Variants in SRGAP3 observed in about 807,000 individuals in gnomAD.
The protein encoded by SRGAP3 is SLIT-ROBO Rho GTPase activating protein 3, also known as SLIT-ROBO Rho GTPase-activating protein 3.
A neutral mutation model predicts 121.1 loss-of-function variants in SRGAP3; 39 were observed. That is an observed-to-expected ratio of 0.32 (90% confidence interval 0.25 to 0.42). SRGAP3 has a LOEUF of 0.42. SRGAP3 is among the 10% of genes least tolerant of loss of function. The pLI is 1.00. For synonymous variants in SRGAP3, 601 were observed against 570.0 expected, an observed-to-expected ratio of 1.05 and a Z score of -0.77; for missense variants, 1,213 against 1,470.6, an observed-to-expected ratio of 0.82 and a Z score of 2.86.
chr3:9,169,300 G>T (rs1302415528), intron 1 of SRGAP3, among the ~76,000 whole-genome samples: 4 of 152,192 alleles, frequency 2.6e-5, no homozygotes, highest in African/African-American at 9.7e-5. Flanking sequence ...CCCTGCCCTT[G>T]TGGAGTTGAC....
chr3:9,123,973 C>A (rs1301059225), intron 2 of SRGAP3, among the ~76,000 whole-genome samples: 3 of 151,826 alleles, frequency 2.0e-5, no homozygotes, highest in Non-Finnish European at 4.4e-5. Flanking sequence ...GGCCGGGGGA[C>A]CTGCCAAGTG....
chr3:9,347,252 A>G (rs933321719), intron 1 of SRGAP3, among the ~76,000 whole-genome samples: 4 of 152,182 alleles, frequency 2.6e-5, no homozygotes, highest in Non-Finnish European at 4.4e-5. Flanking sequence ...TGCAACCTCA[A>G]TCTTTCGGAT....
intron 1 of SRGAP3, among the ~76,000 whole-genome samples, chr3:9,197,053 CACG>C (rs1030886485): frequency 2.0e-5 from 3 of 152,226 alleles, no homozygotes; most frequent in Admixed American, 2.0e-4. Flanking sequence ...CTTTTTCACT[CACG>C]ACAAGAAAAG....
chr3:9,039,797 T>C (rs1005672680), intron 10 of SRGAP3, among the ~76,000 whole-genome samples: 9 of 152,246 alleles, frequency 5.9e-5, no homozygotes, highest in African/African-American at 1.7e-4. Context: ...TCTATCCATA[T>C]AGTACGGTTT....
intron 2 of SRGAP3, among the ~76,000 whole-genome samples, chr3:9,327,360 C>T (rs1231352167): frequency 6.7e-6 from 1 of 149,740 alleles, no homozygotes; most frequent in Non-Finnish European, 1.5e-5. Context: ...CCTTCCGTAA[C>T]TTGTTCAAAT....
chr3:9,011,901 G>T (rs1441018089), intron 17 of SRGAP3, among the ~76,000 whole-genome samples: 1 of 152,194 alleles, frequency 6.6e-6, no homozygotes, highest in East Asian at 1.9e-4. Flanking sequence ...TGTGGTTATT[G>T]TATATTGTTC....
In SRGAP3 at chr3:9,277,632, T is replaced by A. The variant is rs112102456; in HGVS notation, n.442+48378A>T. Among the ~76,000 whole-genome samples, 896 of 131,722 alleles carry A rather than the reference T, an allele frequency of 6.8e-3. 11 individuals carry two copies. The highest frequency in any genetic ancestry group is 0.023 in the African/African-American group (746 of 31,978). The allele number at this position is 131,722 out of a possible 152,430, so 86.4% of individuals were successfully genotyped here. A position where few individuals can be genotyped will look rare whatever the true frequency, so the allele number is the denominator to read the frequency against. ...CAAAAAAAAAAAAAAAAAAAAAAAT[T>A]AGCCAGGTGTGGTGGCACACACCTG... On this transcript the variant is annotated intron_variant and non_coding_transcript_variant, in intron 3 of 3. Coordinates refer to the SRGAP3 transcript ENST00000490889.
intron 21 of SRGAP3, among the ~76,000 whole-genome samples, chr3:8,988,087 G>T (rs995835390): frequency 1.3e-5 from 2 of 151,966 alleles, no homozygotes; most frequent in Non-Finnish European, 2.9e-5. Context: ...CAGCTGAGTT[G>T]TTTAGGCTGC....
intron 9 of SRGAP3, among the ~76,000 whole-genome samples, chr3:9,052,393 A>G (rs1371402346): frequency 6.6e-6 from 1 of 152,206 alleles, no homozygotes; most frequent in Admixed American, 6.6e-5. Context: ...TCTTGGGAGC[A>G]ATCAGGCAGA....
intron 13 of SRGAP3, among the ~76,000 whole-genome samples, chr3:9,025,738 C>A (rs1944166144): frequency 6.6e-6 from 1 of 152,048 alleles, no homozygotes; most frequent in South Asian, 2.1e-4. Context: ...TTCTACAAGA[C>A]CTTAACAAAG....
At chr3:9,059,232 G>C (rs1260354004) in intron 6 of SRGAP3, 1 of 152,236 alleles carries the variant, frequency 6.6e-6, no homozygotes, top group Non-Finnish European at 1.5e-5. Context: ...TCCTTGGCGA[G>C]GTAAGCTCCC....
chr3:9,119,573 A>G (rs1006118092), intron 2 of SRGAP3, among the ~76,000 whole-genome samples: 3 of 151,404 alleles, frequency 2.0e-5, no homozygotes, highest in African/African-American at 7.3e-5. Context: ...ACCCTTTGAC[A>G]CTCCTCCAAT....
At chr3:8,999,347 C>T (rs980024345) in intron 18 of SRGAP3, among the ~76,000 whole-genome samples, 6 of 152,196 alleles carry the variant, frequency 3.9e-5, no homozygotes, top group East Asian at 1.9e-4. Flanking sequence ...TGGGCTTTTC[C>T]GGAGATGAAA....
intron 1 of SRGAP3, among the ~76,000 whole-genome samples, chr3:9,221,361 T>C (rs1281303472): frequency 2.0e-5 from 3 of 152,160 alleles, no homozygotes; most frequent in Admixed American, 6.5e-5. Flanking sequence ...CACGACCCTG[T>C]TTCTACAAAA....
chr3:9,306,241 C>A (rs1240869133), intron 3 of SRGAP3, among the ~76,000 whole-genome samples: 1 of 152,146 alleles, frequency 6.6e-6, no homozygotes, highest in Non-Finnish European at 1.5e-5. Flanking sequence ...ATATCCTTTG[C>A]CCACTTTTTG....
chr3:9,045,181 A>C (rs1305522994), intron 10 of SRGAP3, among the ~76,000 whole-genome samples: 2 of 143,066 alleles, frequency 1.4e-5, no homozygotes, highest in Admixed American at 1.5e-4. Context: ...TTAAAAGAGA[A>C]AGTTTACTTT....
chr3:9,181,364 C>A (rs1364753696), intron 1 of SRGAP3, among the ~76,000 whole-genome samples: 1 of 152,192 alleles, frequency 6.6e-6, no homozygotes, highest in Non-Finnish European at 1.5e-5. Flanking sequence ...CAAATTTCCA[C>A]AAACTTAGCT....
At chr3:9,099,744 C>T (rs926810244) in intron 3 of SRGAP3, among the ~76,000 whole-genome samples, 1 of 152,226 alleles carries the variant, frequency 6.6e-6, no homozygotes, top group African/African-American at 2.4e-5. Flanking sequence ...CCACCTTAAA[C>T]CTACTGAATC....
At chr3:9,130,484 T>C (rs1575118553) in intron 1 of SRGAP3, among the ~76,000 whole-genome samples, 1 of 152,146 alleles carries the variant, frequency 6.6e-6, no homozygotes, top group African/African-American at 2.4e-5. Context: ...CTCCACTTTT[T>C]CCCCATAGAC....
Sources: gnomAD v4.1 joint callset for allele counts (sites outside exome capture counted in the v4.1 genomes callset) on GRCh38, gnomAD v4.1.1 for gene constraint, MANE v1.5 for transcripts, NCBI Gene and HGNC (gene_info 2026-07-23, HGNC 2026-07-21) for gene names.